KIF26B: variants seen among roughly 807,000 people sequenced by gnomAD.
The protein encoded by KIF26B is kinesin family member 26B.
In KIF26B, 63 loss-of-function variants were observed where a neutral mutation model predicts 151.2. The ratio of observed to expected loss-of-function variants is 0.42; its 90% CI spans 0.34 to 0.51. The LOEUF (loss-of-function observed/expected upper bound fraction) is 0.51. Among genes scored for constraint, KIF26B ranks in the 20% least tolerant of loss-of-function variants. The pLI is 0.07. For synonymous variants in KIF26B, 1,357 were observed against 1,262.1 expected (o/e 1.08, Z -1.59); for missense variants, 2,813 against 2,913.6 (o/e 0.97, Z 0.79).
In KIF26B at chr1:245,375,839, A is replaced by T. The variant is rs751653401; in HGVS notation, c.999+8472A>T. Among the ~76,000 whole-genome samples the T allele has an allele frequency of 8.5e-5, 13 of 152,134 alleles. No individual in the cohort carries two copies. The highest frequency in any genetic ancestry group is 3.3e-4 in the Admixed American group (5 of 15,274). ...GAACGTGGGCTTTTCATCTCACACA[A>T]CAAACCCCGTTACCCTGCGGATCGG... On this transcript the variant is annotated intron_variant, in intron 3 of 14. Coordinates refer to ENST00000407071, the MANE Select transcript of KIF26B (RefSeq NM_018012.4). The surrounding 1 kb of genome is among the most constrained non-coding windows in gnomAD (Gnocchi z 4.2).
chr1:245,170,760 CA>C lies in KIF26B; in HGVS notation c.465+14080del, dbSNP rs1668694773. ...CTGCCTTCATGACCCAGTTTGCTCC[CA>C]AAGGCCCACCTCCTACTACCATCAC... On this transcript the variant is annotated intron_variant, in intron 2 of 14. Coordinates refer to ENST00000407071, the MANE Select transcript of KIF26B (RefSeq NM_018012.4). The surrounding 1 kb of genome is among the most constrained non-coding windows in gnomAD (Gnocchi z 4.4). Among the ~76,000 whole-genome samples, 1 of 152,168 alleles carries C rather than the reference CA, an allele frequency of 6.6e-6. No individual in the cohort carries two copies. Among genetic ancestry groups the C allele is most frequent in the South Asian group, 2.1e-4 (1 of 4,826 alleles).
chr1:245,359,916 G>A (rs557182245), intron 2 of KIF26B, among the ~76,000 whole-genome samples: 144 of 147,940 alleles, frequency 9.7e-4, no homozygotes, highest in Non-Finnish European at 1.7e-3. Flanking sequence ...TCTGTCACCC[G>A]GGCTGGAGTG....
At chr1:245,527,291 A>G (rs926023105) in intron 4 of KIF26B, among the ~76,000 whole-genome samples, 4 of 152,110 alleles carry the variant, frequency 2.6e-5, no homozygotes, top group Admixed American at 2.0e-4. Context: ...TTTATAGACA[A>G]TTGCTTCTCA....
At chr1:245,586,157 CAGTGTGTGTGTGTGTG>C (rs751367535) in intron 5 of KIF26B, among the ~76,000 whole-genome samples, 1 of 112,166 alleles carries the variant, frequency 8.9e-6, no homozygotes, top group African/African-American at 3.9e-5. Flanking sequence ...CCACCATGAC[CAGTGTGTGTGTGTGTG>C]TGTGTGTGTG....
intron 2 of KIF26B, among the ~76,000 whole-genome samples, chr1:245,338,944 A>C (rs1170519200): frequency 6.6e-6 from 1 of 151,888 alleles, no homozygotes; most frequent in Admixed American, 6.6e-5. Flanking sequence ...CTGCAATGGC[A>C]AGAAAGGTAT....
intron 2 of KIF26B, among the ~76,000 whole-genome samples, chr1:245,309,242 C>T (rs1173540276): frequency 2.0e-5 from 3 of 152,162 alleles, no homozygotes; most frequent in Non-Finnish European, 4.4e-5. Flanking sequence ...TCTGTGTCAA[C>T]TTGACTGGGC....
intron 2 of KIF26B, among the ~76,000 whole-genome samples, chr1:245,278,699 C>G (rs1670982255): frequency 6.6e-6 from 1 of 152,164 alleles, no homozygotes; most frequent in South Asian, 2.1e-4. Flanking sequence ...TTTGATGCAT[C>G]TCTTGTATTC....
In KIF26B at chr1:245,358,815, A is replaced by G. The variant is rs1199770591; in HGVS notation, c.466-8019A>G. 1.3e-5 allele frequency among the ~76,000 whole-genome samples: 2 copies of G among 152,200 alleles called. No individual in the cohort carries two copies. The highest frequency in any genetic ancestry group is 2.9e-5 in the Non-Finnish European group (2 of 68,044). ...AATCTTGATTAGTGCTTACATGCGT[A>G]TAGTTCAGCACTTTATTTTGTGTCA... On this transcript the variant is annotated intron_variant, in intron 2 of 14. Coordinates refer to ENST00000407071, the MANE Select transcript of KIF26B (RefSeq NM_018012.4). This position sits in a 1 kb window ranked among gnomAD's most constrained non-coding sequence, Gnocchi z 4.1.
intron 2 of KIF26B, chr1:245,216,053 C>T (rs1472830363): frequency 6.6e-6 from 1 of 151,620 alleles, no homozygotes; most frequent in Non-Finnish European, 1.5e-5. Flanking sequence ...CATAATGAGA[C>T]CTTGTCTCTA....
chr1:245,599,828 A>G (rs918052548), intron 5 of KIF26B, among the ~76,000 whole-genome samples: 1 of 152,152 alleles, frequency 6.6e-6, no homozygotes, highest in African/African-American at 2.4e-5. Flanking sequence ...GTCACAGTGA[A>G]TAAGAAAATT....
At chr1:245,450,126 G>C (rs114128403) in intron 4 of KIF26B, among the ~76,000 whole-genome samples, 1 of 152,278 alleles carries the variant, frequency 6.6e-6, no homozygotes, top group Non-Finnish European at 1.5e-5. Flanking sequence ...GAGTTTGCTT[G>C]TTCTCTTTCC....
At chr1:245,494,171 T>G (rs1660464048) in intron 4 of KIF26B, among the ~76,000 whole-genome samples, 1 of 152,012 alleles carries the variant, frequency 6.6e-6, no homozygotes, top group Non-Finnish European at 1.5e-5. Flanking sequence ...CTGGGCATGG[T>G]GGTGGGAGCC....
chr1:245,698,916 G>A lies in KIF26B; in HGVS notation c.6057G>A (p.Lys2019=), dbSNP rs1192188090. Reference sequence around the variant, plus strand: ...CCATGTGCTTCAATGCAAAGCTGAAGATTCTGGAACACCGCCAGCAGAGGA... The same window carrying A: ...CCATGTGCTTCAATGCAAAGCTGAAAATTCTGGAACACCGCCAGCAGAGGA... ...KEAMCFNAKL[K]ILEHRQQRIA... The change falls in exon 14 of 15, where the codon AAG becomes AAA. Residue 2019 remains lysine, a synonymous_variant. Coordinates refer to ENST00000407071, the MANE Select transcript of KIF26B (RefSeq NM_018012.4). This position sits in a 1 kb window ranked among gnomAD's most constrained non-coding sequence, Gnocchi z 4.0. The A allele has an allele frequency of 6.2e-7, 1 of 1,614,016 alleles. No individual in the cohort carries two copies. Among genetic ancestry groups the A allele is most frequent in the Non-Finnish European group, 8.5e-7 (1 of 1,179,886 alleles).
At chr1:245,303,482 G>T (rs1481339821) in intron 2 of KIF26B, among the ~76,000 whole-genome samples, 1 of 150,922 alleles carries the variant, frequency 6.6e-6, no homozygotes, top group Non-Finnish European at 1.5e-5. Flanking sequence ...ACAGGCGTAA[G>T]CCACCGCGCC....
At chr1:245,185,241 C>T (rs536543755) in intron 2 of KIF26B, among the ~76,000 whole-genome samples, 4 of 151,886 alleles carry the variant, frequency 2.6e-5, no homozygotes, top group African/African-American at 7.2e-5. Flanking sequence ...CGGGTTCCAG[C>T]GATTCTCCTG....
intron 5 of KIF26B, among the ~76,000 whole-genome samples, chr1:245,552,288 G>A (rs1382715148): frequency 2.0e-5 from 3 of 151,996 alleles, no homozygotes; most frequent in African/African-American, 7.2e-5. Context: ...GCGGGCAGCC[G>A]ACAAGCAGAA....
intron 8 of KIF26B, among the ~76,000 whole-genome samples, chr1:245,611,418 C>G (rs1344671008): frequency 2.6e-5 from 4 of 152,180 alleles, no homozygotes; most frequent in Admixed American, 2.0e-4. Context: ...GATGCAGTCA[C>G]ATCGCTCCTG....
rs2044841723 is a variant in KIF26B at position 245,706,406 on chromosome 1, G to A, written c.*3800G>A. 6.6e-6 allele frequency: 1 copy of A among 152,170 alleles called. No homozygotes were observed. The highest frequency in any genetic ancestry group is 1.5e-5 in the Non-Finnish European group (1 of 68,030). The allele number at this position is 152,170 out of a possible 1,614,324, so 9.4% of individuals were successfully genotyped here. On this transcript the variant is annotated 3_prime_UTR_variant, in exon 15 of 15. Transcript: ENST00000407071. The stretch of plus-strand genomic sequence containing the variant: ...TGCAGATTTGTTCAATGCAAACACA[G>A]CCGTCTATATCATTGGCCACTGCTG...
intron 2 of KIF26B, among the ~76,000 whole-genome samples, chr1:245,236,595 T>C (rs1670114387): frequency 6.6e-6 from 1 of 152,174 alleles, no homozygotes; most frequent in African/African-American, 2.4e-5. Flanking sequence ...TTTTATAAGG[T>C]TGAAGTTTGG....
Sources: allele counts gnomAD v4.1 joint callset (sites outside exome capture counted in the v4.1 genomes callset), GRCh38; gene constraint gnomAD v4.1.1; non-coding constraint Gnocchi (gnomAD v3.1); transcripts MANE v1.5; gene names NCBI Gene and HGNC (gene_info 2026-07-23, HGNC 2026-07-21).